Variants in CADM2 observed in about 807,000 individuals in gnomAD.
CADM2 encodes immunoglobulin superfamily member 4D.
CADM2 carries 12 observed loss-of-function variants against 49.8 expected under a neutral mutation model. The ratio of observed to expected loss-of-function variants is 0.24; its 90% confidence interval spans 0.15 to 0.39. CADM2 has a LOEUF of 0.39. Among genes scored for constraint, CADM2 ranks in the 10% least tolerant of loss-of-function variants. The pLI, the probability that CADM2 is intolerant of heterozygous loss-of-function variation, is 1.00. For missense variants in CADM2, 378 were observed against 492.3 expected, an observed-to-expected ratio of 0.77 and a Z score of 2.20; for synonymous variants, 214 against 175.4, an observed-to-expected ratio of 1.22 and a Z score of -1.74.
chr3:86,014,556 T>C (rs575857001), intron 8 of CADM2: 119 of 1,592,532 alleles, frequency 7.5e-5, no homozygotes, highest in Middle Eastern at 6.9e-4. Flanking sequence ...TGAGAGTTAC[T>C]ATAAAGAAAC....
chr3:85,387,098 C>T (rs759019916), intron 1 of CADM2, among the ~76,000 whole-genome samples: 2 of 151,944 alleles, frequency 1.3e-5, no homozygotes, highest in African/African-American at 2.4e-5. Flanking sequence ...CTCATGGAGC[C>T]GCTGGGGGAA....
At chr3:85,942,555 A>G (rs958901941) in intron 7 of CADM2, among the ~76,000 whole-genome samples, 4 of 145,748 alleles carry the variant, frequency 2.7e-5, no homozygotes, top group South Asian at 2.2e-4. Flanking sequence ...TCATTGTTCA[A>G]TTCCCACCTA....
At chr3:85,505,065 A>T (rs530607948) in intron 1 of CADM2, among the ~76,000 whole-genome samples, 1 of 151,660 alleles carries the variant, frequency 6.6e-6, no homozygotes. Context: ...CTCCCTCCAC[A>T]CCTCCCTGCA....
intron 1 of CADM2, among the ~76,000 whole-genome samples, chr3:85,647,634 A>G (rs2064926925): frequency 1.3e-5 from 2 of 151,792 alleles, no homozygotes; most frequent in Non-Finnish European, 3.0e-5. Flanking sequence ...TTTTAGAAAA[A>G]TTCATTTAAA....
chr3:85,806,368 G>A (rs774093051), intron 3 of CADM2, among the ~76,000 whole-genome samples: 24 of 152,268 alleles, frequency 1.6e-4, no homozygotes, highest in African/African-American at 2.4e-5. Context: ...TATGAGCTCC[G>A]AGAGGCATCC....
chr3:85,588,920 G>C (rs747330087), intron 1 of CADM2, among the ~76,000 whole-genome samples: 1 of 152,042 alleles, frequency 6.6e-6, no homozygotes, highest in Non-Finnish European at 1.5e-5. Context: ...TCCACTGCTG[G>C]AAGATGCATT....
intron 1 of CADM2, among the ~76,000 whole-genome samples, chr3:85,300,464 C>T (rs1283816770): frequency 6.6e-6 from 1 of 151,908 alleles, no homozygotes; most frequent in African/African-American, 2.4e-5. Flanking sequence ...TTAGCAGTTG[C>T]TATTTATTTT....
At chr3:85,776,103 A>C (rs1434553463) in intron 2 of CADM2, among the ~76,000 whole-genome samples, 1 of 151,982 alleles carries the variant, frequency 6.6e-6, no homozygotes, top group South Asian at 2.1e-4. Context: ...TTTCATAGTA[A>C]AACCATAATT....
chr3:85,027,973 C>A (rs1379794695), intron 1 of CADM2, among the ~76,000 whole-genome samples: 1 of 151,700 alleles, frequency 6.6e-6, no homozygotes, highest in Admixed American at 6.6e-5. Context: ...AATTTTTTTT[C>A]TTTTTTCCTT....
intron 1 of CADM2, among the ~76,000 whole-genome samples, chr3:85,285,506 A>C (rs2043612354): frequency 6.6e-6 from 1 of 152,176 alleles, no homozygotes; most frequent in African/African-American, 2.4e-5. Flanking sequence ...TTTTGTAAAT[A>C]AATGAAATAA....
intron 3 of CADM2, among the ~76,000 whole-genome samples, chr3:85,854,191 T>A (rs967114749): frequency 2.0e-5 from 3 of 152,218 alleles, no homozygotes; most frequent in African/African-American, 7.2e-5. Context: ...TGGAATTCTT[T>A]CACTGTATTC....
intron 8 of CADM2, among the ~76,000 whole-genome samples, chr3:85,965,414 A>G (rs894362883): frequency 6.6e-6 from 1 of 151,172 alleles, no homozygotes; most frequent in Non-Finnish European, 1.5e-5. Flanking sequence ...AATAAATTAG[A>G]CTATTCTTAC....
intron 1 of CADM2, among the ~76,000 whole-genome samples, chr3:85,056,448 A>G (rs1346457088): frequency 1.3e-5 from 2 of 152,114 alleles, no homozygotes; most frequent in African/African-American, 4.8e-5. Context: ...GGTAATAGTC[A>G]CAATGAAAAT....
intron 1 of CADM2, among the ~76,000 whole-genome samples, chr3:85,330,827 G>A (rs1042194157): frequency 9.9e-5 from 15 of 151,608 alleles, no homozygotes; most frequent in Non-Finnish European, 1.8e-4. Context: ...CGGCACGGTG[G>A]TGTGTGTGCC....
intron 1 of CADM2, among the ~76,000 whole-genome samples, chr3:85,104,801 G>T (rs2038148939): frequency 6.6e-6 from 1 of 151,850 alleles, no homozygotes; most frequent in South Asian, 2.1e-4. Context: ...TTGTAAGTTG[G>T]ATTCCTAGGT....
At chr3:85,778,486 A>G (rs965075566) in intron 2 of CADM2, among the ~76,000 whole-genome samples, 4 of 152,008 alleles carry the variant, frequency 2.6e-5, no homozygotes, top group African/African-American at 9.7e-5. Context: ...TCTCGTGATA[A>G]TGCACGAGAT....
intron 1 of CADM2, among the ~76,000 whole-genome samples, chr3:85,292,051 G>A (rs1287122398): frequency 6.6e-6 from 1 of 151,118 alleles, no homozygotes; most frequent in Non-Finnish European, 1.5e-5. Context: ...CCCATCTCAT[G>A]TGCAGAGACA....
At chr3:85,523,962 A>T (rs751326570) in intron 1 of CADM2, among the ~76,000 whole-genome samples, 2 of 152,276 alleles carry the variant, frequency 1.3e-5, no homozygotes, top group Non-Finnish European at 2.9e-5. Context: ...TCAGAGATAA[A>T]TTTAAAATAT....
intron 3 of CADM2, among the ~76,000 whole-genome samples, chr3:85,878,804 G>C (rs1712306315): frequency 6.6e-6 from 1 of 152,004 alleles, no homozygotes; most frequent in East Asian, 1.9e-4. Context: ...ATACAGTCTG[G>C]CTAAAATAGA....
Sources: allele counts gnomAD v4.1 joint callset (sites outside exome capture counted in the v4.1 genomes callset), GRCh38; gene constraint gnomAD v4.1.1; transcripts MANE v1.5; gene names NCBI Gene and HGNC (gene_info 2026-07-23, HGNC 2026-07-21).